Variants in SOX5 observed in about 807,000 individuals in gnomAD.
The protein encoded by SOX5 is SRY-box transcription factor 5, also known as transcription factor SOX-5.
Under a neutral mutation model 92.0 loss-of-function variants are expected in SOX5, and 9 were observed. The ratio of observed to expected loss-of-function variants is 0.10; its 90% CI spans 0.06 to 0.17. The LOEUF (loss-of-function observed/expected upper bound fraction) is 0.17. SOX5 is among the 10% of genes least tolerant of loss of function. The probability of loss-of-function intolerance (pLI) is 1.00; values close to 1 mark genes in which losing one functional copy is unlikely to be tolerated. For synonymous variants in SOX5, 344 were observed against 336.3 expected (o/e 1.02, Z -0.25); for missense variants, 642 against 944.5 (o/e 0.68, Z 4.20).
chr12:24,180,950 A>G (rs990115915), intron 4 of SOX5, among the ~76,000 whole-genome samples: 1 of 152,192 alleles, frequency 6.6e-6, no homozygotes, highest in Non-Finnish European at 1.5e-5. Flanking sequence ...CAGATCTCCT[A>G]TGCATCTCAT....
chr12:23,693,639 C>A (rs892577743), intron 6 of SOX5, among the ~76,000 whole-genome samples: 1 of 152,034 alleles, frequency 6.6e-6, no homozygotes, highest in Non-Finnish European at 1.5e-5. Context: ...CCTGCCAGTG[C>A]TTTAGAGGTT....
intron 6 of SOX5, among the ~76,000 whole-genome samples, chr12:23,725,830 A>T (rs2140697622): frequency 6.6e-6 from 1 of 152,220 alleles, no homozygotes; most frequent in Middle Eastern, 3.4e-3. Context: ...AGAAAAGCAA[A>T]CTGTGCTGGA....
At chr12:24,193,793 G>T (rs1464259644) in intron 4 of SOX5, among the ~76,000 whole-genome samples, 2 of 152,166 alleles carry the variant, frequency 1.3e-5, no homozygotes, top group African/African-American at 4.8e-5. Flanking sequence ...GTGAAATTTG[G>T]AACACTGCCA....
intron 1 of SOX5, among the ~76,000 whole-genome samples, chr12:24,438,401 G>C (rs1596632180): frequency 6.6e-6 from 1 of 152,088 alleles, no homozygotes; most frequent in East Asian, 1.9e-4. Flanking sequence ...TGCACATTCT[G>C]TACATGTACC....
intron 4 of SOX5, among the ~76,000 whole-genome samples, chr12:24,134,329 CTG>C (rs1949922320): frequency 6.6e-6 from 1 of 152,242 alleles, no homozygotes; most frequent in South Asian, 2.1e-4. Flanking sequence ...ACAGAGAACA[CTG>C]TGTGTGAGGA....
chr12:23,911,619 C>G (rs1005829408), intron 1 of SOX5, among the ~76,000 whole-genome samples: 2 of 152,052 alleles, frequency 1.3e-5, no homozygotes, highest in Non-Finnish European at 2.9e-5. Context: ...TTATTCCTTA[C>G]AGTTCCTTGC....
intron 4 of SOX5, among the ~76,000 whole-genome samples, chr12:24,175,837 A>G (rs1293779971): frequency 2.0e-5 from 3 of 152,124 alleles, no homozygotes; most frequent in Non-Finnish European, 2.9e-5. Context: ...AAAAATAAAA[A>G]TGGTTTTCAC....
intron 1 of SOX5, among the ~76,000 whole-genome samples, chr12:24,559,459 T>G (rs1306126381): frequency 6.6e-6 from 1 of 152,168 alleles, no homozygotes; most frequent in Non-Finnish European, 1.5e-5. Context: ...GTCCTGTAAG[T>G]TTTACTTTTT....
At chr12:23,627,134 G>A (rs1032179580) in intron 8 of SOX5, among the ~76,000 whole-genome samples, 14 of 152,082 alleles carry the variant, frequency 9.2e-5, no homozygotes, top group African/African-American at 3.4e-4. Flanking sequence ...ACAATGGCTT[G>A]CCCTTCCAAG....
At chr12:24,529,893 G>T (rs900269644) in intron 1 of SOX5, among the ~76,000 whole-genome samples, 10 of 151,918 alleles carry the variant, frequency 6.6e-5, no homozygotes, top group Non-Finnish European at 1.5e-4. Flanking sequence ...GGTGGCGGGC[G>T]CCTGTAGTCC....
intron 3 of SOX5, among the ~76,000 whole-genome samples, chr12:23,824,567 TC>T: frequency 6.6e-6 from 1 of 152,278 alleles, no homozygotes; most frequent in African/African-American, 2.4e-5. Flanking sequence ...GGGACGTGTC[TC>T]CCCGTCAGGA....
At chr12:24,444,977 C>T (rs1015697761) in intron 1 of SOX5, among the ~76,000 whole-genome samples, 3 of 152,128 alleles carry the variant, frequency 2.0e-5, no homozygotes, top group African/African-American at 7.2e-5. Flanking sequence ...TGACCAAAGA[C>T]AACACTACAG....
rs1336305974 is a variant in SOX5, at chr12:23,786,197, C to A, written c.482-30473G>T. ...AATCTTAAGAAATTATTGGTTTATCCCACAACAGCTAGTGTTTCAATCATA... is the reference window on the plus strand; with the variant it reads ...AATCTTAAGAAATTATTGGTTTATCACACAACAGCTAGTGTTTCAATCATA... On this transcript the variant is annotated intron_variant, in intron 3 of 14. Transcript: ENST00000451604. Among the ~76,000 whole-genome samples the A allele has an allele frequency of 2.0e-5, 3 of 151,674 alleles. No individual in the cohort carries two copies. In the South Asian group the frequency reaches 6.2e-4, roughly 31 times the overall value.
intron 2 of SOX5, among the ~76,000 whole-genome samples, chr12:23,883,083 C>A (rs201210951): frequency 4.0e-5 from 6 of 151,140 alleles, no homozygotes; most frequent in East Asian, 1.9e-4. Flanking sequence ...CAGGAGGCTG[C>A]GGCAGGAGAA....
intron 10 of SOX5, among the ~76,000 whole-genome samples, chr12:23,568,201 A>C (rs1032348597): frequency 1.3e-4 from 20 of 152,178 alleles, no homozygotes; most frequent in South Asian, 8.3e-4. Flanking sequence ...GTGAATATGC[A>C]GGCAGAGATT....
intron 4 of SOX5, among the ~76,000 whole-genome samples, chr12:23,970,035 AG>A (rs1948045291): frequency 6.6e-6 from 1 of 152,226 alleles, no homozygotes; most frequent in African/African-American, 2.4e-5. Flanking sequence ...AAAATGAAGA[AG>A]CATGTCAGCG....
At chr12:24,265,449 T>G (rs1159022094) in intron 3 of SOX5, among the ~76,000 whole-genome samples, 2 of 152,124 alleles carry the variant, frequency 1.3e-5, no homozygotes, top group South Asian at 2.1e-4. Flanking sequence ...GAGGCTGAGG[T>G]GGGAAAATCA....
In SOX5 at chr12:24,516,119, T is replaced by A. The variant is rs553820957; in HGVS notation, c.-251+46210A>T. On this transcript the variant is annotated intron_variant, in intron 1 of 4. Transcript: ENST00000446891. The stretch of plus-strand genomic sequence containing the variant: ...GGGCAGTGGTGCGATCATAGCTCAC[T>A]GCAGCCTCAACCTTCCGGGCTAAAG... Among the ~76,000 whole-genome samples the A allele has an allele frequency of 2.0e-5, 3 of 151,652 alleles. No individual in the cohort carries two copies. In the East Asian group the frequency reaches 5.8e-4, roughly 29 times the overall value.
At chr12:23,579,127 T>A (rs1466067777) in intron 9 of SOX5, among the ~76,000 whole-genome samples, 10 of 152,146 alleles carry the variant, frequency 6.6e-5, no homozygotes. Flanking sequence ...GTGTCATATG[T>A]CTTAGCTTTA....
Sources: allele counts gnomAD v4.1 joint callset (sites outside exome capture counted in the v4.1 genomes callset), GRCh38; gene constraint gnomAD v4.1.1; transcripts MANE v1.5; gene names NCBI Gene and HGNC (gene_info 2026-07-23, HGNC 2026-07-21).